Variants in PRKACB observed in about 807,000 individuals in gnomAD.
The protein encoded by PRKACB is protein kinase cAMP-activated catalytic subunit beta.
A neutral mutation model predicts 51.4 loss-of-function variants in PRKACB; 16 were observed. The observed-to-expected ratio is 0.31, with a 90% CI of 0.21 to 0.47. The LOEUF (loss-of-function observed/expected upper bound fraction) is 0.47. Ranked by LOEUF, PRKACB falls within the 20% of genes least tolerant of loss-of-function variation. The pLI is 1.00. For missense variants in PRKACB, 309 were observed against 464.5 expected (o/e 0.67, Z 3.08); for synonymous variants, 147 against 154.4 (o/e 0.95, Z 0.35).
chr1:84,227,392 G>C (rs559854640), intron 9 of PRKACB, among the ~76,000 whole-genome samples: 1 of 151,934 alleles, frequency 6.6e-6, no homozygotes, highest in Admixed American at 6.6e-5. Context: ...GTTAATTAAT[G>C]CTATTTCGAG....
intron 1 of PRKACB, among the ~76,000 whole-genome samples, chr1:84,138,088 T>C (rs566774235): frequency 3.9e-5 from 6 of 152,310 alleles, no homozygotes; most frequent in African/African-American, 1.4e-4. Flanking sequence ...TCTAAGACCA[T>C]TCTCCAGTAA....
rs1353212368 is a variant in PRKACB, at chr1:84,235,407, T to G, written c.*102T>G. ...CTTGTTGAAGCAGTTACCTAGTTCC[T>G]TCATTCCAACGACTGAGTGAGGTCT... On this transcript the variant is annotated 3_prime_UTR_variant, in exon 10 of 10. Coordinates refer to ENST00000370685, the MANE Select transcript of PRKACB (RefSeq NM_182948.4). 5 of 1,485,192 alleles carry G rather than the reference T, an allele frequency of 3.4e-6. No individual in the cohort carries two copies. Among genetic ancestry groups the G allele is most frequent in the African/African-American group, 1.4e-5 (1 of 70,742 alleles). 92.0% of individuals were successfully genotyped at this position (1,485,192 alleles called of 1,614,324 possible).
intron 5 of PRKACB, among the ~76,000 whole-genome samples, chr1:84,195,875 T>C: frequency 6.7e-6 from 1 of 149,304 alleles, no homozygotes; most frequent in East Asian, 2.0e-4. Context: ...ATTGTGCCAC[T>C]GCACTCCAGC....
chr1:84,225,649 C>G (rs903653957), intron 9 of PRKACB, among the ~76,000 whole-genome samples: 11 of 152,138 alleles, frequency 7.2e-5, no homozygotes, highest in Admixed American at 2.6e-4. Context: ...AACAAACTCC[C>G]TCTCTGGAAC....
chr1:84,182,336 T>C lies in PRKACB; in HGVS notation c.378+8T>C. Reference sequence around the variant, plus strand: ...ATCTTAGATAAGCAGAAGGTGAGTGTATTTGTTGTTATTTACCTTCAGGGT... The same window carrying C: ...ATCTTAGATAAGCAGAAGGTGAGTGCATTTGTTGTTATTTACCTTCAGGGT... On this transcript the variant is annotated splice_region_variant and intron_variant, in intron 3 of 9. Transcript: ENST00000370685. The C allele has an allele frequency of 6.6e-7, 1 of 1,522,152 alleles. No homozygotes were observed. Among genetic ancestry groups the C allele is most frequent in the Non-Finnish European group, 8.8e-7 (1 of 1,134,438 alleles). 94.3% of individuals were successfully genotyped at this position (1,522,152 alleles called of 1,614,324 possible).
intron 1 of PRKACB, among the ~76,000 whole-genome samples, chr1:84,084,530 G>A (rs1220474243): frequency 6.6e-6 from 1 of 152,106 alleles, no homozygotes; most frequent in Non-Finnish European, 1.5e-5. Context: ...GTGGAATAGA[G>A]GCAAGATCAA....
chr1:84,115,834 A>T (rs1650585735), intron 1 of PRKACB, among the ~76,000 whole-genome samples: 1 of 136,308 alleles, frequency 7.3e-6, no homozygotes, highest in Admixed American at 8.4e-5. Flanking sequence ...GTGAGCCGAG[A>T]TCGTGCCATT....
Position 84,229,931 on chromosome 1 carries a change from G to T in PRKACB, c.1072-5249G>T, listed in dbSNP as rs542247941. Among the ~76,000 whole-genome samples, 9 of 151,940 alleles carry T rather than the reference G, an allele frequency of 5.9e-5. No homozygotes were observed. In the South Asian group the frequency reaches 1.7e-3, roughly 28 times the overall value. ...TCTTTTGATGTGCAGAAGCTCTTTA[G>T]TTTAATTAGATCCCATTTGTCAATT... On this transcript the variant is annotated intron_variant, in intron 9 of 9. Coordinates refer to ENST00000370685, the MANE Select transcript of PRKACB (RefSeq NM_182948.4).
intron 1 of PRKACB, among the ~76,000 whole-genome samples, chr1:84,131,635 T>G (rs980530914): frequency 6.6e-6 from 1 of 152,114 alleles, no homozygotes; most frequent in African/African-American, 2.4e-5. Context: ...ATCAGAGAAC[T>G]GAGATTGCAG....
At chr1:84,149,720 T>TA (rs1558026391) in intron 1 of PRKACB, among the ~76,000 whole-genome samples, 1 of 152,174 alleles carries the variant, frequency 6.6e-6, no homozygotes. Context: ...GTTTTGCTAT[T>TA]AAAAAATGCC....
chr1:84,102,518 A>G (rs1239340878), intron 1 of PRKACB, among the ~76,000 whole-genome samples: 1 of 152,236 alleles, frequency 6.6e-6, no homozygotes, highest in East Asian at 1.9e-4. Context: ...TGTGAGGCCC[A>G]AGGTAGAGAA....
upstream of PRKACB, among the ~76,000 whole-genome samples, chr1:84,139,799 C>T (rs1228717943): frequency 1.3e-5 from 2 of 152,212 alleles, no homozygotes; most frequent in African/African-American, 2.4e-5. Flanking sequence ...TGGCTTACGC[C>T]TGTAATCCCA....
intron 1 of PRKACB, chr1:84,086,174 T>C: frequency 6.3e-7 from 1 of 1,598,638 alleles, no homozygotes; most frequent in Non-Finnish European, 8.6e-7. Context: ...GGTGGACAAG[T>C]TTGTGGGCAT....
exon 1 of PRKACB, chr1:84,078,145 T>G (rs1647236924): frequency 1.0e-5 from 6 of 575,674 alleles, no homozygotes; most frequent in African/African-American, 2.0e-5. Context: ...TGCTAAGGAG[T>G]TCGCTGGAGC....
intron 8 of PRKACB, among the ~76,000 whole-genome samples, chr1:84,206,602 A>G (rs959294259): frequency 1.5e-4 from 23 of 152,190 alleles, no homozygotes; most frequent in African/African-American, 5.5e-4. Context: ...AATTTTATCT[A>G]CCAGCAACAC....
rs149616429 is a variant in PRKACB at position 84,107,153 on chromosome 1, T to G, written c.46+28782T>G. Among the ~76,000 whole-genome samples the G allele has an allele frequency of 1.7e-3, 255 of 152,138 alleles. 1 individual carries two copies. Among genetic ancestry groups the G allele is most frequent in the African/African-American group, 6.0e-3 (250 of 41,518 alleles). On this transcript the variant is annotated intron_variant, in intron 1 of 8. Transcript: ENST00000370688. ...AACCTAAAATAAAAGTTAAAATATA[T>G]TTTAAAACATATATAAAATGGATAT... is the stretch of plus-strand genomic sequence containing the variant.
At chr1:84,108,672 T>C in intron 1 of PRKACB, among the ~76,000 whole-genome samples, 1 of 152,058 alleles carries the variant, frequency 6.6e-6, no homozygotes, top group East Asian at 1.9e-4. Context: ...ATGCCCATAG[T>C]TGTTAAGTAA....
chr1:84,110,448 C>G (rs1650136492), intron 1 of PRKACB, among the ~76,000 whole-genome samples: 1 of 151,674 alleles, frequency 6.6e-6, no homozygotes, highest in African/African-American at 2.4e-5. Context: ...AAAATGTAAA[C>G]TTGCTTCCTC....
Position 84,176,317 on chromosome 1 carries a change from A to G in PRKACB, c.188-2860A>G, listed in dbSNP as rs180690852. 5.3e-5 allele frequency among the ~76,000 whole-genome samples: 8 copies of G among 151,900 alleles called. No individual in the cohort carries two copies. In the East Asian group the frequency reaches 1.6e-3, roughly 30 times the overall value. On this transcript the variant is annotated intron_variant, in intron 1 of 9. Coordinates refer to ENST00000370685, the MANE Select transcript of PRKACB (RefSeq NM_182948.4). Reference sequence around the variant, plus strand: ...ATCTGCCAACACTTTATTTCAGTGGATAGAAATTTTTTAAATAACCAGAGA... The same window carrying G: ...ATCTGCCAACACTTTATTTCAGTGGGTAGAAATTTTTTAAATAACCAGAGA...
Sources: gnomAD v4.1 joint callset for allele counts (sites outside exome capture counted in the v4.1 genomes callset) on GRCh38, gnomAD v4.1.1 for gene constraint, MANE v1.5 for transcripts, NCBI Gene and HGNC (gene_info 2026-07-23, HGNC 2026-07-21) for gene names.